MAP2K5: variants seen among roughly 807,000 people sequenced by gnomAD.
MAP2K5 encodes the protein dual specificity mitogen-activated protein kinase kinase 5.
A neutral mutation model predicts 83.1 loss-of-function variants in MAP2K5; 49 were observed. The observed-to-expected ratio is 0.59, with a 90% CI of 0.47 to 0.75. The LOEUF (loss-of-function observed/expected upper bound fraction) is 0.75, where lower values mean the gene tolerates loss of function less well. Among genes scored for constraint, MAP2K5 ranks in the 30% least tolerant of loss-of-function variants. The probability of loss-of-function intolerance (pLI) is 0.00; values close to 1 mark genes in which losing one functional copy is unlikely to be tolerated. For missense variants in MAP2K5, 457 were observed against 557.5 expected (o/e 0.82, Z 1.82); for synonymous variants, 202 against 191.8 (o/e 1.05, Z -0.44).
At chr15:67,651,140 C>T (rs1334389237) in intron 11 of MAP2K5, among the ~76,000 whole-genome samples, 1 of 152,160 alleles carries the variant, frequency 6.6e-6, no homozygotes, top group African/African-American at 2.4e-5. Flanking sequence ...ATCACTTGAA[C>T]CTGGAAGCTG....
intron 15 of MAP2K5, among the ~76,000 whole-genome samples, chr15:67,696,162 C>T (rs1396798192): frequency 1.4e-5 from 2 of 145,080 alleles, no homozygotes; most frequent in Non-Finnish European, 3.0e-5. Context: ...AACTAGTTCT[C>T]ATTTTAGCTG....
chr15:67,655,781 C>CA, intron 11 of MAP2K5, among the ~76,000 whole-genome samples: 1 of 152,168 alleles, frequency 6.6e-6, no homozygotes, highest in East Asian at 1.9e-4. Flanking sequence ...AGTTTGGGGT[C>CA]ATTGTTTTCT....
At chr15:67,627,052 C>T (rs2086342473) in intron 8 of MAP2K5, among the ~76,000 whole-genome samples, 1 of 152,124 alleles carries the variant, frequency 6.6e-6, no homozygotes, top group Non-Finnish European at 1.5e-5. Flanking sequence ...TTGCCTCAGC[C>T]TCCCTGTAGT....
rs2141198571 is a variant in MAP2K5, at chr15:67,690,361, G to A, written c.848-2118G>A. 6.6e-6 allele frequency among the ~76,000 whole-genome samples: 1 copy of A among 152,224 alleles called. No individual in the cohort carries two copies. The highest frequency in any genetic ancestry group is 2.1e-4 in the South Asian group (1 of 4,812). On this transcript the variant is annotated intron_variant, in intron 13 of 21. Transcript: ENST00000178640. This position sits in a 1 kb window ranked among gnomAD's most constrained non-coding sequence, Gnocchi z 4.3. ...TTCTTAAGGAATTCATGTTCTGGTT[G>A]GTGGGGGGCATGTCAGAGAATACTT...
chr15:67,547,136 T>C (rs1223397339), intron 1 of MAP2K5, among the ~76,000 whole-genome samples: 3 of 149,446 alleles, frequency 2.0e-5, no homozygotes, highest in Non-Finnish European at 4.4e-5. Context: ...AGTCTGTGAT[T>C]TTTTCCTTTC....
At chr15:67,545,520 C>G (rs978822518) in intron 1 of MAP2K5, among the ~76,000 whole-genome samples, 2 of 152,172 alleles carry the variant, frequency 1.3e-5, no homozygotes, top group Non-Finnish European at 2.9e-5. Flanking sequence ...GTACCTTCCT[C>G]AAAGACTTGG....
At chr15:67,756,675 C>T (rs149110462) in intron 19 of MAP2K5, among the ~76,000 whole-genome samples, 2 of 152,132 alleles carry the variant, frequency 1.3e-5, no homozygotes, top group African/African-American at 2.4e-5. Flanking sequence ...TCCCCTTTGA[C>T]GAACACCTCC....
Position 67,543,210 on chromosome 15 carries a change from C to T in MAP2K5, c.-126C>T, listed in dbSNP as rs2084329326. On this transcript the variant is annotated 5_prime_UTR_variant, in exon 1 of 22. Coordinates refer to ENST00000178640, the MANE Select transcript of MAP2K5 (RefSeq NM_145160.3). This position sits in a 1 kb window ranked among gnomAD's most constrained non-coding sequence, Gnocchi z 4.3. ...CCTCCCCTCTTCCCTCCCCCTCATCCTCCATTCCCTTGTTTTCACCCTCTG... is the reference window on the plus strand; with the variant it reads ...CCTCCCCTCTTCCCTCCCCCTCATCTTCCATTCCCTTGTTTTCACCCTCTG... The T allele has an allele frequency of 2.1e-6, 2 of 968,918 alleles. No homozygotes were observed. The highest frequency in any genetic ancestry group is 3.9e-5 in the Admixed American group (2 of 51,304). 60.0% of individuals were successfully genotyped at this position (968,918 alleles called of 1,614,324 possible).
Position 67,785,616 on chromosome 15 carries a change from G to A in MAP2K5, c.1242+12864G>A, listed in dbSNP as rs571414450. Among the ~76,000 whole-genome samples, 1 of 152,292 alleles carries A rather than the reference G, an allele frequency of 6.6e-6. No individual in the cohort carries two copies. The highest frequency in any genetic ancestry group is 2.4e-5 in the African/African-American group (1 of 41,560). On this transcript the variant is annotated intron_variant, in intron 21 of 21. Coordinates refer to ENST00000178640, the MANE Select transcript of MAP2K5 (RefSeq NM_145160.3). The surrounding 1 kb of genome is among the most constrained non-coding windows in gnomAD (Gnocchi z 4.4). ...AGCAAGGAGAAGACAACCCACAGAT[G>A]TCCACACCAACACAGGTGCTGGAGG...
rs993092157 is a variant in MAP2K5, at chr15:67,750,305, G to A, written c.1134+1704G>A. 1.1e-4 allele frequency among the ~76,000 whole-genome samples: 16 copies of A among 152,162 alleles called. No individual in the cohort carries two copies. The highest frequency in any genetic ancestry group is 3.9e-4 in the African/African-American group (16 of 41,422). ...AAACCATCTTCCTTGTGGAAACTTG[G>A]GAAATGAACATTGCCTTTGCTAAAA... On this transcript the variant is annotated intron_variant, in intron 19 of 21. Transcript: ENST00000178640. The surrounding 1 kb of genome is among the most constrained non-coding windows in gnomAD (Gnocchi z 4.2).
chr15:67,796,301 A>C (rs528831463), intron 21 of MAP2K5, among the ~76,000 whole-genome samples: 1 of 152,308 alleles, frequency 6.6e-6, no homozygotes, highest in South Asian at 2.1e-4. Flanking sequence ...ACAAAGAAAC[A>C]CCTGAGACTG....
At chr15:67,721,611 A>T (rs2088961294) in intron 16 of MAP2K5, among the ~76,000 whole-genome samples, 1 of 152,182 alleles carries the variant, frequency 6.6e-6, no homozygotes, top group African/African-American at 2.4e-5. Context: ...CTAGGCTCTT[A>T]ACAAGCTTTG....
rs996432764 is a variant in MAP2K5 at position 67,747,260 on chromosome 15, A to T, written c.1075-971A>T. Among the ~76,000 whole-genome samples, 1 of 152,232 alleles carries T rather than the reference A, an allele frequency of 6.6e-6. No homozygotes were observed. Among genetic ancestry groups the T allele is most frequent in the Admixed American group, 6.5e-5 (1 of 15,280 alleles). The stretch of plus-strand genomic sequence containing the variant: ...TTTTTTAAAACACCTTTAAAAACAT[A>T]TAAGGGATTATTACTAGTTTCCCTG... On this transcript the variant is annotated intron_variant, in intron 17 of 21. Transcript: ENST00000178640. This position sits in a 1 kb window ranked among gnomAD's most constrained non-coding sequence, Gnocchi z 4.1.
chr15:67,784,387 G>A (rs973844816), intron 21 of MAP2K5, among the ~76,000 whole-genome samples: 59 of 152,352 alleles, frequency 3.9e-4, no homozygotes, highest in African/African-American at 1.4e-3. Flanking sequence ...TACAAATACA[G>A]GACCACACAA....
chr15:67,582,058 TC>T (rs372665049), intron 4 of MAP2K5, among the ~76,000 whole-genome samples: 3 of 147,900 alleles, frequency 2.0e-5, no homozygotes, highest in African/African-American at 4.9e-5. Flanking sequence ...GTAGATGATT[TC>T]TTTTTTTTTT....
intron 2 of MAP2K5, among the ~76,000 whole-genome samples, chr15:67,560,438 C>T (rs1313110713): frequency 6.6e-6 from 1 of 152,208 alleles, no homozygotes; most frequent in African/African-American, 2.4e-5. Context: ...AAACCAATAC[C>T]TATATAAAGC....
rs542716150 is a variant in MAP2K5, at chr15:67,577,604, T to C, written c.253-3150T>C. Among the ~76,000 whole-genome samples the C allele has an allele frequency of 7.2e-5, 11 of 152,318 alleles. No homozygotes were observed. The South Asian group carries it at 2.1e-3, about 29-fold the overall frequency. ...TCTTTGTTTTTTTCTTTTCTTTTGG[T>C]TTTGGTCATTTCTGCTTATTTTATC... On this transcript the variant is annotated intron_variant, in intron 3 of 21. Coordinates refer to ENST00000178640, the MANE Select transcript of MAP2K5 (RefSeq NM_145160.3). This position sits in a 1 kb window ranked among gnomAD's most constrained non-coding sequence, Gnocchi z 4.1.
At chr15:67,579,991 A>G (rs966353473) in intron 3 of MAP2K5, among the ~76,000 whole-genome samples, 1 of 152,190 alleles carries the variant, frequency 6.6e-6, no homozygotes. Context: ...GTCGAGCATT[A>G]TAAGATGTGA....
At chr15:67,671,097 C>A (rs2087523373) in intron 13 of MAP2K5, among the ~76,000 whole-genome samples, 1 of 152,186 alleles carries the variant, frequency 6.6e-6, no homozygotes, top group Admixed American at 6.5e-5. Flanking sequence ...TCTGTTCCCT[C>A]ATGTATACTA....
Sources: allele counts gnomAD v4.1 joint callset (sites outside exome capture counted in the v4.1 genomes callset), GRCh38; gene constraint gnomAD v4.1.1; non-coding constraint Gnocchi (gnomAD v3.1); transcripts MANE v1.5; gene names NCBI Gene and HGNC (gene_info 2026-07-23, HGNC 2026-07-21).